Variants in RASGEF1C observed in about 807,000 individuals in gnomAD.
RASGEF1C encodes RasGEF domain family member 1C, also known as ras-GEF domain-containing family member 1C.
A neutral mutation model predicts 58.1 loss-of-function variants in RASGEF1C; 27 were observed. That is an observed-to-expected ratio of 0.46 (90% CI 0.34 to 0.64). The LOEUF is 0.64. RASGEF1C is among the 30% of genes least tolerant of loss of function. The pLI is 0.01. For missense variants in RASGEF1C, 502 were observed against 605.1 expected, an observed-to-expected ratio of 0.83 and a Z score of 1.79; for synonymous variants, 243 against 246.3, an observed-to-expected ratio of 0.99 and a Z score of 0.13.
chr5:180,118,457 TG>T, intron 10 of RASGEF1C, 151 bp downstream of exon 10: 2 of 671,958 alleles, frequency 3.0e-6, no homozygotes, highest in Non-Finnish European at 4.9e-6. Flanking sequence ...TTTTGGGAGG[TG>T]GTGAGTTCCC....
intron 6 of RASGEF1C, 44 bp from the exon 7 acceptor site, chr5:180,121,193 G>A (rs747086837): frequency 6.3e-5 from 85 of 1,356,024 alleles, no homozygotes; most frequent in Non-Finnish European, 8.8e-5. Flanking sequence ...GAGCCTTTTT[G>A]TCTATCATCT....
chr5:180,208,816 T>G (rs1430714965), intron 1 of RASGEF1C, among the ~76,000 whole-genome samples: 1 of 151,394 alleles, frequency 6.6e-6, no homozygotes, highest in African/African-American at 2.4e-5. Flanking sequence ...GCCGGGGGTG[T>G]GCCCTCAGGG....
chr5:180,190,226 G>A (rs185542281), intron 1 of RASGEF1C, among the ~76,000 whole-genome samples: 3 of 152,006 alleles, frequency 2.0e-5, no homozygotes, highest in South Asian at 2.1e-4. Flanking sequence ...GGTGGCTCAC[G>A]CCTGTAATCC....
At chr5:180,191,714 T>G (rs1385434268) in intron 1 of RASGEF1C, among the ~76,000 whole-genome samples, 1 of 152,238 alleles carries the variant, frequency 6.6e-6, no homozygotes, top group Non-Finnish European at 1.5e-5. Context: ...CATCAGCAGA[T>G]GCACTGGATC....
Position 180,173,891 on chromosome 5 carries a change from C to T in RASGEF1C, c.-7+35137G>A, listed in dbSNP as rs1213227490. ...TTGTGCCACTGCACTCCAGCCTGGG[C>T]AACAGAGCGAGACTGTCTCAAAACA... On this transcript the variant is annotated intron_variant, in intron 1 of 13. Coordinates refer to ENST00000361132, the MANE Select transcript of RASGEF1C (RefSeq NM_175062.4). Among the ~76,000 whole-genome samples the T allele has an allele frequency of 2.2e-4, 31 of 139,946 alleles. 1 individual carries two copies. The South Asian group carries it at 2.5e-3, about 11-fold the overall frequency. The allele number at this position is 139,946 out of a possible 152,430, so 91.8% of individuals were successfully genotyped here. A position where few individuals can be genotyped will look rare whatever the true frequency, so the allele number is the denominator to read the frequency against.
intron 1 of RASGEF1C, among the ~76,000 whole-genome samples, chr5:180,181,008 T>C (rs1767315498): frequency 6.6e-6 from 1 of 152,226 alleles, no homozygotes. Context: ...TATCAATCAC[T>C]GTTCACACGA....
Position 180,101,278 on chromosome 5 carries a change from G to A in RASGEF1C, c.*223C>T, listed in dbSNP as rs758315539. 18 of 580,878 alleles carry A rather than the reference G, an allele frequency of 3.1e-5. 1 individual carries two copies. The highest frequency in any genetic ancestry group is 6.4e-5 in the South Asian group (3 of 46,800). 36.0% of individuals were successfully genotyped at this position (580,878 alleles called of 1,614,324 possible). ...GATGTCCCCAAGGCATGTGCCGCCCGCACGTCTGGAGGCCCTGGGTCCTGC... is the reference window on the plus strand; with the variant it reads ...GATGTCCCCAAGGCATGTGCCGCCCACACGTCTGGAGGCCCTGGGTCCTGC... On this transcript the variant is annotated 3_prime_UTR_variant, in exon 14 of 14. Transcript: ENST00000361132.
chr5:180,175,578 C>T (rs941652537), intron 1 of RASGEF1C, among the ~76,000 whole-genome samples: 2 of 152,228 alleles, frequency 1.3e-5, no homozygotes, highest in Non-Finnish European at 2.9e-5. Flanking sequence ...GGACATTTCC[C>T]GAGCCTGAGC....
At position 180,155,923 on chromosome 5, in the gene RASGEF1C, G is replaced by A. The variant is rs980831115; in HGVS notation, c.-6-17865C>T. Among the ~76,000 whole-genome samples, 1 of 152,148 alleles carries A rather than the reference G, an allele frequency of 6.6e-6. No individual in the cohort carries two copies. Among genetic ancestry groups the A allele is most frequent in the Non-Finnish European group, 1.5e-5 (1 of 68,030 alleles). The stretch of plus-strand genomic sequence containing the variant: ...AAGAGGGCACTGTCCCCCCCTCACT[G>A]CTGAGCAAGCAAGTGACCAGGTTAT... On this transcript the variant is annotated intron_variant, in intron 1 of 13. Transcript: ENST00000361132. This position sits in a 1 kb window ranked among gnomAD's most constrained non-coding sequence, Gnocchi z 5.2.
chr5:180,127,529 A>G (rs1766283112), intron 6 of RASGEF1C, 80 bp downstream of exon 6: 1 of 1,406,906 alleles, frequency 7.1e-7, no homozygotes. Context: ...GCTCGCCCAG[A>G]GAAGGCTCGC....
intron 1 of RASGEF1C, among the ~76,000 whole-genome samples, chr5:180,152,184 A>G (rs1439632773): frequency 6.6e-6 from 1 of 152,094 alleles, no homozygotes; most frequent in Non-Finnish European, 1.5e-5. Context: ...ATCTAGAACT[A>G]GAAATACCAT....
intron 1 of RASGEF1C, among the ~76,000 whole-genome samples, chr5:180,174,438 GTC>G (rs1376248762): frequency 6.8e-6 from 1 of 146,496 alleles, no homozygotes; most frequent in Admixed American, 6.7e-5. Flanking sequence ...ACACGTGTGT[GTC>G]TGTGCATGTG....
intron 1 of RASGEF1C, among the ~76,000 whole-genome samples, chr5:180,180,664 C>T (rs1433806539): frequency 6.6e-6 from 1 of 152,254 alleles, no homozygotes; most frequent in Non-Finnish European, 1.5e-5. Flanking sequence ...CCCATTGCCA[C>T]AAGCAGGGGC....
At chr5:180,115,023 CT>C (rs1382869949) in intron 10 of RASGEF1C, among the ~76,000 whole-genome samples, 56 of 148,694 alleles carry the variant, frequency 3.8e-4, no homozygotes, top group Middle Eastern at 3.4e-3. Context: ...TGGTGGCCTC[CT>C]TTTTTTTTTG....
chr5:180,121,540 C>G (rs1185741698), intron 6 of RASGEF1C, among the ~76,000 whole-genome samples: 1 of 152,066 alleles, frequency 6.6e-6, no homozygotes, highest in African/African-American at 2.4e-5. Context: ...GTCTCCATCT[C>G]CTGACCTCGT....
intron 1 of RASGEF1C, among the ~76,000 whole-genome samples, chr5:180,159,537 T>G (rs1034464494): frequency 2.6e-5 from 4 of 152,242 alleles, no homozygotes. Flanking sequence ...CCGTCTGCCA[T>G]GCTGGAAGCA....
chr5:180,113,837 C>CCGAGGATGGATGGAGGGAT (rs1766017247), intron 11 of RASGEF1C, among the ~76,000 whole-genome samples: 18 of 149,442 alleles, frequency 1.2e-4, no homozygotes, highest in Admixed American at 7.3e-4. Flanking sequence ...GATGGAGGGA[C>CCGAGGATGGATGGAGGGAT]CGAGGATGGA....
At chr5:180,184,880 C>G (rs551104766) in intron 1 of RASGEF1C, among the ~76,000 whole-genome samples, 94 of 152,296 alleles carry the variant, frequency 6.2e-4, no homozygotes, top group African/African-American at 2.2e-3. Flanking sequence ...CACCTAATAA[C>G]AGAGCTTCAG....
intron 1 of RASGEF1C, among the ~76,000 whole-genome samples, chr5:180,187,677 A>G (rs186162446): frequency 6.6e-6 from 1 of 152,340 alleles, no homozygotes; most frequent in Admixed American, 6.5e-5. Context: ...TTTTTTAAGA[A>G]GCAGGCAAAA....
Sources: allele counts gnomAD v4.1 joint callset (sites outside exome capture counted in the v4.1 genomes callset), GRCh38; gene constraint gnomAD v4.1.1; non-coding constraint Gnocchi (gnomAD v3.1); transcripts MANE v1.5; gene names NCBI Gene and HGNC (gene_info 2026-07-23, HGNC 2026-07-21).